SDK2: variants seen among roughly 807,000 people sequenced by gnomAD.
SDK2 encodes sidekick cell adhesion molecule 2.
In SDK2, 105 loss-of-function variants were observed where a neutral mutation model predicts 253.9. That is an observed-to-expected ratio of 0.41 (90% CI 0.35 to 0.49). The LOEUF (loss-of-function observed/expected upper bound fraction) is 0.49. Among genes scored for constraint, SDK2 ranks in the 20% least tolerant of loss-of-function variants. The pLI is 0.06. For missense variants in SDK2, 2,608 were observed against 3,003.0 expected, an observed-to-expected ratio of 0.87 and a Z score of 3.07; for synonymous variants, 1,249 against 1,234.9, an observed-to-expected ratio of 1.01 and a Z score of -0.24.
intron 1 of SDK2, among the ~76,000 whole-genome samples, chr17:73,622,995 C>A: frequency 6.6e-6 from 1 of 152,212 alleles, no homozygotes; most frequent in East Asian, 1.9e-4. Context: ...CCTTGCAGTG[C>A]CCTCTGCCTG....
rs2046242884 is a variant in SDK2, at chr17:73,629,507, G to A, written c.64+14518C>T. Among the ~76,000 whole-genome samples, 2 of 152,178 alleles carry A rather than the reference G, an allele frequency of 1.3e-5. No individual in the cohort carries two copies. Among genetic ancestry groups the A allele is most frequent in the Non-Finnish European group, 2.9e-5 (2 of 68,034 alleles). The stretch of plus-strand genomic sequence containing the variant: ...TTAGATACGACCAAGGTGCGTATTT[G>A]CTGTCTATAATTGCTGCTTGGTATC... On this transcript the variant is annotated intron_variant, in intron 1 of 44. Coordinates refer to ENST00000392650, the MANE Select transcript of SDK2 (RefSeq NM_001144952.2). The surrounding 1 kb of genome is among the most constrained non-coding windows in gnomAD (Gnocchi z 5.0).
chr17:73,356,262 G>C (rs1008852652), intron 40 of SDK2, among the ~76,000 whole-genome samples: 1 of 152,188 alleles, frequency 6.6e-6, no homozygotes, highest in Non-Finnish European at 1.5e-5. Context: ...CCAGAAGCTG[G>C]GATCTCCTGC....
chr17:73,551,288 A>C (rs1224228322), intron 1 of SDK2, among the ~76,000 whole-genome samples: 1 of 152,142 alleles, frequency 6.6e-6, no homozygotes, highest in Non-Finnish European at 1.5e-5. Context: ...AGCCCGATTC[A>C]TCAAGCTCCC....
At chr17:73,362,406 AT>A (rs35982157) in intron 38 of SDK2, among the ~76,000 whole-genome samples, 1,780 of 141,596 alleles carry the variant, frequency 0.013, 17 homozygotes, top group African/African-American at 0.032. Flanking sequence ...ATCTGCCACA[AT>A]TTTTTTTTTT....
chr17:73,355,976 C>G (rs2062589244), intron 40 of SDK2, among the ~76,000 whole-genome samples: 1 of 152,196 alleles, frequency 6.6e-6, no homozygotes, highest in Non-Finnish European at 1.5e-5. Context: ...GCACTTACGC[C>G]TCTGTCAAGC....
At chr17:73,385,177 C>T (rs2062862199) in intron 32 of SDK2, among the ~76,000 whole-genome samples, 1 of 152,132 alleles carries the variant, frequency 6.6e-6, no homozygotes, top group South Asian at 2.1e-4. Flanking sequence ...CCAGGGGTCC[C>T]TCTCATGTGG....
chr17:73,621,288 C>T (rs1052408614), intron 1 of SDK2, among the ~76,000 whole-genome samples: 3 of 152,172 alleles, frequency 2.0e-5, no homozygotes, highest in Admixed American at 2.0e-4. Context: ...CAGTTTGAAT[C>T]AATTAAGTTA....
In SDK2 at chr17:73,352,377, G is replaced by T; in HGVS notation, c.5758+96C>A. On this transcript the variant is annotated intron_variant, in intron 41 of 44. Coordinates refer to ENST00000392650, the MANE Select transcript of SDK2 (RefSeq NM_001144952.2). This position sits in a 1 kb window ranked among gnomAD's most constrained non-coding sequence, Gnocchi z 4.1. ...GTTTTTGTTCCCGCCCCATGCTCCT[G>T]GTGCCCTGGTGCCTCTCCTCCTTCC... The T allele has an allele frequency of 7.0e-7, 1 of 1,422,530 alleles. No homozygotes were observed. Among genetic ancestry groups the T allele is most frequent in the Non-Finnish European group, 9.5e-7 (1 of 1,054,256 alleles). 88.1% of individuals were successfully genotyped at this position (1,422,530 alleles called of 1,614,324 possible).
chr17:73,402,110 T>G lies in SDK2; in HGVS notation c.2516A>C (p.Glu839Ala). 6.2e-7 allele frequency: 1 copy of G among 1,613,904 alleles called. No individual in the cohort carries two copies. The highest frequency in any genetic ancestry group is 8.5e-7 in the Non-Finnish European group (1 of 1,179,832). The part of the protein sequence containing the change: ...LIAWEPEQEE[E>A]VTMVTARPNF... ...AGGCCGGGCGGTCACCATGGTAACC[T>G]CCTCTTCCTGTTCCGGCTCCCAGGC... The change falls in exon 19 of 45, where the codon GAG (glutamate) becomes GCG (alanine). Residue 839 changes from glutamate (E) to alanine (A), a missense_variant. Glu to Ala is a moderately radical substitution (Grantham distance 107, BLOSUM62 -1). Coordinates refer to ENST00000392650, the MANE Select transcript of SDK2 (RefSeq NM_001144952.2).
At position 73,438,010 on chromosome 17, in the gene SDK2, G is replaced by A; in HGVS notation, c.870C>T (p.Ser290=). 2 of 1,551,402 alleles carry A rather than the reference G, an allele frequency of 1.3e-6. No homozygotes were observed. The highest frequency in any genetic ancestry group is 1.7e-6 in the Non-Finnish European group (2 of 1,146,922). The change falls in exon 7 of 45, where the codon AGC becomes AGT. Residue 290 remains serine, a synonymous_variant. Transcript: ENST00000392650. ...CCCGGACAACAGAGGGGACGCTGCT[G>A]CTGCGCAGGACAGCCTCACACTCGT... The part of the protein sequence containing the change: ...GYYECEAVLR[S]SSVPSVVRGA...
intron 40 of SDK2, 123 bp downstream of exon 40, chr17:73,357,956 T>C: frequency 6.9e-7 from 1 of 1,456,290 alleles, no homozygotes; most frequent in East Asian, 2.3e-5. Flanking sequence ...CCAGGTGACT[T>C]CACCTGTAGT....
intron 2 of SDK2, among the ~76,000 whole-genome samples, chr17:73,485,076 G>A (rs530696705): frequency 6.6e-6 from 1 of 152,284 alleles, no homozygotes; most frequent in Admixed American, 6.5e-5. Flanking sequence ...CACACTCTGA[G>A]GCACTAGGCG....
At chr17:73,489,517 G>A (rs1437565766) in intron 2 of SDK2, among the ~76,000 whole-genome samples, 1 of 152,232 alleles carries the variant, frequency 6.6e-6, no homozygotes, top group African/African-American at 2.4e-5. Flanking sequence ...GATGGCCGGA[G>A]CTTCCTGTCC....
intron 36 of SDK2, among the ~76,000 whole-genome samples, chr17:73,372,715 TG>T (rs1213506439): frequency 6.6e-6 from 1 of 151,828 alleles, no homozygotes; most frequent in African/African-American, 2.4e-5. Context: ...CACTCCAGCC[TG>T]GGTGACAGAG....
intron 1 of SDK2, among the ~76,000 whole-genome samples, chr17:73,535,637 G>T (rs1314220383): frequency 6.6e-6 from 1 of 152,228 alleles, no homozygotes; most frequent in Non-Finnish European, 1.5e-5. Context: ...TGCTCTAGCT[G>T]TGGCTGATTT....
chr17:73,387,634 G>A (rs752406542), intron 30 of SDK2, among the ~76,000 whole-genome samples: 1 of 152,206 alleles, frequency 6.6e-6, no homozygotes, highest in African/African-American at 2.4e-5. Flanking sequence ...GAGTTCCAGA[G>A]GGAACAGAGT....
intron 1 of SDK2, among the ~76,000 whole-genome samples, chr17:73,575,813 A>G (rs1393865716): frequency 6.6e-6 from 1 of 152,358 alleles, no homozygotes; most frequent in African/African-American, 2.4e-5. Flanking sequence ...CGCTAGGGCT[A>G]GGAGAGGAAG....
chr17:73,335,767 GC>G lies in SDK2; in HGVS notation c.*2819del, dbSNP rs2062372840. On this transcript the variant is annotated 3_prime_UTR_variant, in exon 45 of 45. Transcript: ENST00000392650. ...CACGCCCCAAGTGCAAGCAACCCAG[GC>G]CACCTGTGCCTCACAGGGGAGAGAT... 1.3e-5 allele frequency: 2 copies of G among 152,304 alleles called. No homozygotes were observed. Among genetic ancestry groups the G allele is most frequent in the Admixed American group, 6.5e-5 (1 of 15,290 alleles). The allele number at this position is 152,304 out of a possible 1,614,324, so 9.4% of individuals were successfully genotyped here.
intron 1 of SDK2, among the ~76,000 whole-genome samples, chr17:73,635,778 T>G (rs2046322552): frequency 1.3e-5 from 2 of 151,704 alleles, no homozygotes; most frequent in South Asian, 4.1e-4. Flanking sequence ...GCTCAGTTAC[T>G]GGCAAGCCAG....
Sources: allele counts gnomAD v4.1 joint callset (sites outside exome capture counted in the v4.1 genomes callset), GRCh38; gene constraint gnomAD v4.1.1; non-coding constraint Gnocchi (gnomAD v3.1); transcripts MANE v1.5; gene names NCBI Gene and HGNC (gene_info 2026-07-23, HGNC 2026-07-21).